RAB38: variants seen among roughly 807,000 people sequenced by gnomAD.
RAB38 encodes ras-related protein Rab-38.
In RAB38, 15 loss-of-function variants were observed where a neutral mutation model predicts 18.4. That is an observed-to-expected ratio of 0.82 (90% CI 0.55 to 1.26). The LOEUF (loss-of-function observed/expected upper bound fraction) is 1.26, where lower values mean the gene tolerates loss of function less well. Ranked by LOEUF, RAB38 falls within the 50% of genes most tolerant of loss-of-function variation. RAB38 has a pLI of 0.00. For missense variants in RAB38, 294 were observed against 267.4 expected (o/e 1.10, Z -0.69); for synonymous variants, 101 against 104.4 (o/e 0.97, Z 0.20).
chr11:87,887,426 C>T, the RAB38 span, among the ~76,000 whole-genome samples: 1 of 134,500 alleles, frequency 7.4e-6, no homozygotes, highest in South Asian at 2.6e-4. Flanking sequence ...TGCTGGATCT[C>T]TGGTGTGAAG....
At chr11:87,861,834 C>G in the RAB38 span, among the ~76,000 whole-genome samples, 5 of 151,764 alleles carry the variant, frequency 3.3e-5, no homozygotes. Flanking sequence ...AAAAAAGCAT[C>G]AATTTTTCCT....
At chr11:88,022,987 C>T in the RAB38 span, among the ~76,000 whole-genome samples, 4 of 152,172 alleles carry the variant, frequency 2.6e-5, no homozygotes, top group South Asian at 8.3e-4. Context: ...ACAACACACA[C>T]TGGGCCTTTT....
the RAB38 span, among the ~76,000 whole-genome samples, chr11:87,928,056 C>A: frequency 1.3e-5 from 2 of 151,372 alleles, no homozygotes; most frequent in Non-Finnish European, 2.9e-5. Context: ...CCAGCCTATG[C>A]AACAGAGCAA....
chr11:88,074,907 CTT>C, the RAB38 span, among the ~76,000 whole-genome samples: 1 of 152,030 alleles, frequency 6.6e-6, no homozygotes, highest in South Asian at 2.1e-4. Context: ...AATAGCTAGA[CTT>C]ATATCAAATA....
chr11:87,974,096 GAT>G, the RAB38 span, among the ~76,000 whole-genome samples: 1 of 151,884 alleles, frequency 6.6e-6, no homozygotes, highest in African/African-American at 2.4e-5. Flanking sequence ...AAATTTGTGA[GAT>G]AGTCAAAGAA....
At chr11:87,820,839 C>A in the RAB38 span, among the ~76,000 whole-genome samples, 1 of 152,060 alleles carries the variant, frequency 6.6e-6, no homozygotes, top group Non-Finnish European at 1.5e-5. Flanking sequence ...AGTGACCATA[C>A]TGGGAATAGT....
chr11:88,128,706 A>T (rs2134791481), intron 2 of RAB38, among the ~76,000 whole-genome samples: 1 of 152,374 alleles, frequency 6.6e-6, no homozygotes, highest in Non-Finnish European at 1.5e-5. Context: ...TCCTACCCTC[A>T]ACCTCAGTTA....
the RAB38 span, among the ~76,000 whole-genome samples, chr11:88,028,901 A>G: frequency 6.6e-6 from 1 of 152,198 alleles, no homozygotes; most frequent in African/African-American, 2.4e-5. Context: ...ACTCCTCGAG[A>G]AGAGCAACTC....
At chr11:88,090,594 A>C in the RAB38 span, among the ~76,000 whole-genome samples, 2 of 118,342 alleles carry the variant, frequency 1.7e-5, no homozygotes, top group Non-Finnish European at 3.9e-5. Context: ...AGTAACAATG[A>C]GAAAAAAAAA....
At chr11:88,084,602 C>T in the RAB38 span, among the ~76,000 whole-genome samples, 2 of 151,794 alleles carry the variant, frequency 1.3e-5, no homozygotes, top group Non-Finnish European at 1.5e-5. Flanking sequence ...GACTGTTTAC[C>T]CTTCAAAGCC....
the RAB38 span, among the ~76,000 whole-genome samples, chr11:88,028,658 G>C: frequency 6.6e-6 from 1 of 152,160 alleles, no homozygotes; most frequent in Non-Finnish European, 1.5e-5. Context: ...ATGAAATGAA[G>C]CGAGAGGAGA....
chr11:88,048,193 A>T, the RAB38 span, among the ~76,000 whole-genome samples: 12 of 152,050 alleles, frequency 7.9e-5, no homozygotes, highest in African/African-American at 2.9e-4. Context: ...GGAAACTAAA[A>T]TACCTCTTGG....
chr11:88,061,700 C>T, the RAB38 span: 1 of 151,794 alleles, frequency 6.6e-6, no homozygotes, highest in South Asian at 2.1e-4. Context: ...GTGCCTGGAA[C>T]TCGGTTCAGC....
the RAB38 span, among the ~76,000 whole-genome samples, chr11:87,947,545 C>T: frequency 3.3e-5 from 5 of 151,824 alleles, no homozygotes; most frequent in Admixed American, 1.3e-4. Flanking sequence ...GTCTTTAATC[C>T]ATCTTGAATT....
chr11:87,856,146 T>C, the RAB38 span, among the ~76,000 whole-genome samples: 15 of 152,198 alleles, frequency 9.9e-5, no homozygotes, highest in African/African-American at 2.7e-4. Context: ...ATTTTCCTCC[T>C]GGACATATGG....
At chr11:88,122,137 T>A (rs896885988) in intron 2 of RAB38, among the ~76,000 whole-genome samples, 5 of 152,138 alleles carry the variant, frequency 3.3e-5, no homozygotes, top group Non-Finnish European at 5.9e-5. Context: ...CCAGACCCCA[T>A]AACCTTAATA....
chr11:87,811,923 A>G, the RAB38 span, among the ~76,000 whole-genome samples: 1 of 152,166 alleles, frequency 6.6e-6, no homozygotes, highest in Non-Finnish European at 1.5e-5. Context: ...TAGCTTTTTC[A>G]GGTAGTAATT....
chr11:87,934,463 A>G, the RAB38 span, among the ~76,000 whole-genome samples: 1 of 152,148 alleles, frequency 6.6e-6, no homozygotes, highest in Non-Finnish European at 1.5e-5. Context: ...AATCCACCCA[A>G]AAGTGTTATT....
chr11:87,881,889 T>G, the RAB38 span, among the ~76,000 whole-genome samples: 2 of 151,880 alleles, frequency 1.3e-5, no homozygotes, highest in Non-Finnish European at 2.9e-5. Context: ...CCACTGATGC[T>G]CAATGAGCAA....
Sources: gnomAD v4.1 joint callset for allele counts (sites outside exome capture counted in the v4.1 genomes callset) on GRCh38, gnomAD v4.1.1 for gene constraint, MANE v1.5 for transcripts, NCBI Gene and HGNC (gene_info 2026-07-23, HGNC 2026-07-21) for gene names.